The following EFCC1 variants were observed in gnomAD, a reference collection of about 807,000 sequenced individuals.
EFCC1 encodes the protein EF-hand and coiled-coil domain-containing protein 1.
EFCC1 carries 50 observed loss-of-function variants against 52.1 expected under a neutral mutation model. The observed-to-expected ratio is 0.96, with a 90% CI of 0.76 to 1.21. EFCC1 has a LOEUF of 1.21. Among genes scored for constraint, EFCC1 ranks in the 50% most tolerant of loss-of-function variants. The pLI, the probability that EFCC1 is intolerant of heterozygous loss-of-function variation, is 0.00. For synonymous variants in EFCC1, 399 were observed against 396.5 expected (o/e 1.01, Z -0.08); for missense variants, 837 against 867.3 (o/e 0.97, Z 0.44).
intron 2 of EFCC1, among the ~76,000 whole-genome samples, chr3:129,005,018 T>G (rs764634876): frequency 6.6e-6 from 1 of 152,136 alleles, no homozygotes; most frequent in African/African-American, 2.4e-5. Context: ...TGGTAGATGC[T>G]TGGTAGACAG....
Position 129,002,165 on chromosome 3 carries a change from G to A in EFCC1, c.537G>A (p.Pro179=). 1.4e-6 allele frequency: 2 copies of A among 1,472,042 alleles called. No individual in the cohort carries two copies. The highest frequency in any genetic ancestry group is 1.8e-6 in the Non-Finnish European group (2 of 1,122,520). The allele number at this position is 1,472,042 out of a possible 1,614,324, so 91.2% of individuals were successfully genotyped here. Reference sequence around the variant, plus strand: ...AGACGCAGATCCGCCTGCGCCGTCCGCGCCGCCGCCGCCGCCCGCCCTGCG... The same window carrying A: ...AGACGCAGATCCGCCTGCGCCGTCCACGCCGCCGCCGCCGCCCGCCCTGCG... ...HIETQIRLRR[P]RRRRRPPCAP... The change falls in exon 1 of 8, where the codon CCG becomes CCA. Residue 179 remains proline, a synonymous_variant. Coordinates refer to ENST00000683648, the MANE Select transcript of EFCC1 (RefSeq NM_001377500.1).
intron 2 of EFCC1, among the ~76,000 whole-genome samples, chr3:129,007,319 T>C (rs1018577477): frequency 2.6e-5 from 4 of 152,166 alleles, no homozygotes; most frequent in African/African-American, 4.8e-5. Context: ...GCAGTTGGCC[T>C]AGAGGGCTGC....
chr3:129,033,352 C>T (rs112515398), intron 4 of EFCC1, among the ~76,000 whole-genome samples: 1 of 152,308 alleles, frequency 6.6e-6, no homozygotes, highest in African/African-American at 2.4e-5. Context: ...GTTTCATCCT[C>T]ACCTCCACCC....
chr3:129,028,179 G>A (rs1227208938), intron 2 of EFCC1, among the ~76,000 whole-genome samples: 10 of 151,518 alleles, frequency 6.6e-5, no homozygotes. Context: ...CACCTCCTGG[G>A]TTCAAGCTAT....
intron 2 of EFCC1, among the ~76,000 whole-genome samples, chr3:129,007,677 C>A (rs1188093858): frequency 1.3e-5 from 2 of 152,186 alleles, no homozygotes; most frequent in Non-Finnish European, 2.9e-5. Flanking sequence ...TTACTAAAGT[C>A]ACATACCCAA....
intron 2 of EFCC1, among the ~76,000 whole-genome samples, chr3:129,005,431 G>A (rs1333380723): frequency 6.6e-6 from 1 of 152,272 alleles, no homozygotes; most frequent in South Asian, 2.1e-4. Flanking sequence ...GAGCTGAAGG[G>A]AGGCCCATTT....
chr3:129,024,573 A>T (rs569612323), intron 2 of EFCC1, among the ~76,000 whole-genome samples: 62 of 152,108 alleles, frequency 4.1e-4, no homozygotes, highest in Middle Eastern at 3.4e-3. Context: ...ACAGAAATTT[A>T]GCTAAGGGTT....
Position 129,001,649 on chromosome 3 carries a change from C to T in EFCC1, c.21C>T (p.Gly7=), listed in dbSNP as rs773592981. The T allele has an allele frequency of 3.6e-6, 5 of 1,391,302 alleles. No individual in the cohort carries two copies. Among genetic ancestry groups the T allele is most frequent in the South Asian group, 1.6e-5 (1 of 62,918 alleles). 86.2% of individuals were successfully genotyped at this position (1,391,302 alleles called of 1,614,324 possible). The change falls in exon 1 of 8, where the codon GGC becomes GGT. Residue 7 remains glycine, a synonymous_variant. Transcript: ENST00000683648. MEPVST[G]AEAGMEGAGG... ...CAGCGATGGAGCCGGTCAGCACGGG[C>T]GCGGAGGCCGGCATGGAGGGCGCGG...
At position 129,014,953 on chromosome 3, in the gene EFCC1, C is replaced by G. The variant is rs1945505825; in HGVS notation, c.980+10876C>G. ...CCAAGTGGCTCAGACCCACCTGCTACTCTCCAGTCGCACCCACCACCCAGC... is the reference window on the plus strand; with the variant it reads ...CCAAGTGGCTCAGACCCACCTGCTAGTCTCCAGTCGCACCCACCACCCAGC... On this transcript the variant is annotated intron_variant, in intron 2 of 7. Coordinates refer to ENST00000683648, the MANE Select transcript of EFCC1 (RefSeq NM_001377500.1). The surrounding 1 kb of genome is among the most constrained non-coding windows in gnomAD (Gnocchi z 4.3). 6.6e-6 allele frequency among the ~76,000 whole-genome samples: 1 copy of G among 152,154 alleles called. No homozygotes were observed. The highest frequency in any genetic ancestry group is 2.1e-4 in the South Asian group (1 of 4,830).
chr3:129,022,972 C>A (rs966843314), intron 2 of EFCC1, among the ~76,000 whole-genome samples: 10 of 152,238 alleles, frequency 6.6e-5, no homozygotes, highest in Non-Finnish European at 7.3e-5. Context: ...CAGTTGCTAG[C>A]CTCTCTTGAA....
At chr3:129,011,479 A>T (rs773015652) in intron 2 of EFCC1, among the ~76,000 whole-genome samples, 3 of 151,430 alleles carry the variant, frequency 2.0e-5, no homozygotes, top group Non-Finnish European at 4.4e-5. Context: ...TGAACCCAGA[A>T]GGTGGAGGTT....
At chr3:129,025,703 A>C (rs1233840259) in intron 2 of EFCC1, among the ~76,000 whole-genome samples, 1 of 152,148 alleles carries the variant, frequency 6.6e-6, no homozygotes, top group Non-Finnish European at 1.5e-5. Context: ...GAGAGGGGCA[A>C]TGGGAGAAGC....
At chr3:129,018,831 T>G (rs1945703280) in intron 2 of EFCC1, among the ~76,000 whole-genome samples, 2 of 152,206 alleles carry the variant, frequency 1.3e-5, no homozygotes, top group South Asian at 4.1e-4. Context: ...ATTGGCGGCG[T>G]TGTGGCACAT....
intron 3 of EFCC1, among the ~76,000 whole-genome samples, 177 bp from the exon 4 acceptor site, chr3:129,032,642 A>C (rs537891162): frequency 2.2e-4 from 34 of 152,230 alleles, no homozygotes; most frequent in Middle Eastern, 3.4e-3. Flanking sequence ...TTACAAGGAG[A>C]CAGAACCAGC....
At chr3:129,037,945 T>C (rs1223069430) in intron 6 of EFCC1, among the ~76,000 whole-genome samples, 1 of 151,418 alleles carries the variant, frequency 6.6e-6, no homozygotes. Context: ...ATGCCTGTGG[T>C]CCCAGCTACT....
At chr3:129,022,017 G>A (rs930521615) in intron 2 of EFCC1, among the ~76,000 whole-genome samples, 1 of 152,210 alleles carries the variant, frequency 6.6e-6, no homozygotes, top group African/African-American at 2.4e-5. Flanking sequence ...GGCAGAGGTG[G>A]CCGGGGCAGG....
chr3:129,035,656 G>A (rs1351571343), intron 5 of EFCC1, among the ~76,000 whole-genome samples: 1 of 152,238 alleles, frequency 6.6e-6, no homozygotes, highest in Non-Finnish European at 1.5e-5. Flanking sequence ...ACCTTCCAGT[G>A]AGATCGGGTC....
chr3:129,021,524 A>G (rs1945843185), intron 2 of EFCC1, among the ~76,000 whole-genome samples: 1 of 152,190 alleles, frequency 6.6e-6, no homozygotes, highest in African/African-American at 2.4e-5. Context: ...TGGTGAGACT[A>G]GATCATGCCA....
At chr3:129,009,560 C>A (rs1945225701) in intron 2 of EFCC1, among the ~76,000 whole-genome samples, 2 of 152,224 alleles carry the variant, frequency 1.3e-5, no homozygotes, top group South Asian at 4.1e-4. Flanking sequence ...GATGCTCTGA[C>A]TGGCCAAACC....
Sources: allele counts gnomAD v4.1 joint callset (sites outside exome capture counted in the v4.1 genomes callset), GRCh38; gene constraint gnomAD v4.1.1; non-coding constraint Gnocchi (gnomAD v3.1); transcripts MANE v1.5; gene names NCBI Gene and HGNC (gene_info 2026-07-23, HGNC 2026-07-21).